UGT1A5: variants seen among roughly 807,000 people sequenced by gnomAD.
The protein encoded by UGT1A5 is UDP-glucuronosyltransferase 1A5.
A neutral mutation model predicts 40.3 loss-of-function variants in UGT1A5; 29 were observed. The observed-to-expected ratio is 0.72, with a 90% CI of 0.54 to 0.98. The LOEUF (loss-of-function observed/expected upper bound fraction) is 0.98, where lower values mean the gene tolerates loss of function less well. UGT1A5 is among the 50% of genes least tolerant of loss of function. The pLI is 0.00. For synonymous variants in UGT1A5, 257 were observed against 262.5 expected (o/e 0.98, Z 0.20); for missense variants, 678 against 677.9 (o/e 1.00, Z 0.00).
intron 1 of UGT1A5, chr2:233,753,481 C>G (rs1199479898): frequency 6.6e-6 from 1 of 152,192 alleles, no homozygotes; most frequent in African/African-American, 2.4e-5. Flanking sequence ...TACCAGCATG[C>G]TGCTCTTAAT....
intron 1 of UGT1A5, chr2:233,754,945 G>A (rs1342760083): frequency 7.5e-7 from 1 of 1,327,414 alleles, no homozygotes; most frequent in Admixed American, 1.9e-5. Flanking sequence ...AAGGAGAATG[G>A]GTCCCGGCCG....
intron 1 of UGT1A5, among the ~76,000 whole-genome samples, chr2:233,759,599 A>ACCCCCCCCCCCCC (rs1553620419): frequency 1.6e-4 from 17 of 108,720 alleles, no homozygotes; most frequent in African/African-American, 3.6e-4. Context: ...CCCACCCCCG[A>ACCCCCCCCCCCCC]CCCGCCCCAC....
intron 1 of UGT1A5, among the ~76,000 whole-genome samples, chr2:233,736,009 A>G (rs1243121159): frequency 6.6e-6 from 1 of 151,786 alleles, no homozygotes; most frequent in Non-Finnish European, 1.5e-5. Context: ...CTTCTCGAGG[A>G]GTATCTTTGT....
At position 233,712,961 on chromosome 2, in the gene UGT1A5, G is replaced by T. The variant is rs2076264324; in HGVS notation, c.-31G>T. The stretch of plus-strand genomic sequence containing the variant: ...AATTCTAGGAGGCACAACGTGGGGT[G>T]GACAGTCAGCTGTCGGTGGCTTCTG... On this transcript the variant is annotated 5_prime_UTR_variant, in exon 1 of 5. Transcript: ENST00000373414. 1 of 1,612,910 alleles carries T rather than the reference G, an allele frequency of 6.2e-7. No individual in the cohort carries two copies. The highest frequency in any genetic ancestry group is 8.5e-7 in the Non-Finnish European group (1 of 1,180,042).
chr2:233,769,433 A>G lies in UGT1A5; in HGVS notation c.1307+994A>G. The G allele has an allele frequency of 6.5e-7, 1 of 1,549,602 alleles. No homozygotes were observed. Among genetic ancestry groups the G allele is most frequent in the Non-Finnish European group, 8.9e-7 (1 of 1,128,216 alleles). ...TGCGTTTGTGCATGTGGCTGTGCTC[A>G]TGTGTGGGTGCACACGTGTGCATTC... is the stretch of plus-strand genomic sequence containing the variant. On this transcript the variant is annotated intron_variant, in intron 4 of 4. Coordinates refer to ENST00000373414, the MANE Select transcript of UGT1A5 (RefSeq NM_019078.2). This position sits in a 1 kb window ranked among gnomAD's most constrained non-coding sequence, Gnocchi z 4.4.
At position 233,765,866 on chromosome 2, in the gene UGT1A5, G is replaced by A. The variant is rs1008092006; in HGVS notation, c.868-1168G>A. On this transcript the variant is annotated intron_variant, in intron 1 of 4. Transcript: ENST00000373414. ...TCCCCCTCACAGAGCATGTGACAGCGGGAGGGGCTCACTTTCTCAGTGCGC... is the reference window on the plus strand; with the variant it reads ...TCCCCCTCACAGAGCATGTGACAGCAGGAGGGGCTCACTTTCTCAGTGCGC... Among the ~76,000 whole-genome samples the A allele has an allele frequency of 3.3e-5, 5 of 152,054 alleles. No homozygotes were observed. The East Asian group carries it at 5.8e-4, about 18-fold the overall frequency.
intron 1 of UGT1A5, among the ~76,000 whole-genome samples, chr2:233,757,587 A>G (rs1696672783): frequency 9.1e-6 from 1 of 109,366 alleles, no homozygotes; most frequent in Middle Eastern, 4.5e-3. Context: ...CTATAGTCTA[A>G]TAGCAAGGAC....
rs950198102 is a variant in UGT1A5 at position 233,769,900 on chromosome 2, C to G, written c.1307+1461C>G. ...TGAAAAGTCCACATAACCTGAGCAT[C>G]ATGTGCCCAGAGCGTTGGGTGGTGT... is the stretch of plus-strand genomic sequence containing the variant. On this transcript the variant is annotated intron_variant, in intron 4 of 4. Transcript: ENST00000373414. The surrounding 1 kb of genome is among the most constrained non-coding windows in gnomAD (Gnocchi z 4.4). 3.8e-5 allele frequency: 13 copies of G among 342,836 alleles called. No individual in the cohort carries two copies. The highest frequency in any genetic ancestry group is 6.8e-5 in the Non-Finnish European group (13 of 189,812). 21.2% of individuals were successfully genotyped at this position (342,836 alleles called of 1,614,324 possible). A position where few individuals can be genotyped will look rare whatever the true frequency, so the allele number is the denominator to read the frequency against.
chr2:233,758,811 C>A (rs371004333), intron 1 of UGT1A5, among the ~76,000 whole-genome samples: 1 of 152,184 alleles, frequency 6.6e-6, no homozygotes, highest in East Asian at 1.9e-4. Flanking sequence ...TATAGTACAG[C>A]AGTATATCCC....
At chr2:233,715,779 TA>T (rs1348568984) in intron 1 of UGT1A5, among the ~76,000 whole-genome samples, 1 of 152,020 alleles carries the variant, frequency 6.6e-6, no homozygotes, top group Non-Finnish European at 1.5e-5. Context: ...CTCAAAAAAA[TA>T]AAAATTTATT....
At chr2:233,761,015 C>A (rs568151745) in intron 1 of UGT1A5, 1 of 1,614,218 alleles carries the variant, frequency 6.2e-7, no homozygotes, top group Admixed American at 1.7e-5. Flanking sequence ...AGAGAGGTGA[C>A]TGTCCAGGAC....
At chr2:233,746,438 T>A (rs1187941624) in intron 1 of UGT1A5, among the ~76,000 whole-genome samples, 3 of 151,694 alleles carry the variant, frequency 2.0e-5, no homozygotes, top group Admixed American at 1.3e-4. Flanking sequence ...TGTCTTCAGC[T>A]TAAAAAGAAA....
At chr2:233,745,739 A>G (rs1329170032) in intron 1 of UGT1A5, among the ~76,000 whole-genome samples, 2 of 141,886 alleles carry the variant, frequency 1.4e-5, no homozygotes, top group African/African-American at 2.7e-5. Flanking sequence ...AGGCAGAGGG[A>G]GGGGGCAAGC....
chr2:233,741,972 T>G (rs888756569), intron 1 of UGT1A5: 7 of 151,906 alleles, frequency 4.6e-5, no homozygotes, highest in African/African-American at 1.7e-4. Context: ...GTGTTTATGG[T>G]GCCTCACCCA....
Position 233,755,903 on chromosome 2 carries a change from T to G in UGT1A5, c.868-11131T>G, listed in dbSNP as rs537567684. ...TTATGTAACTTTTTTTGAGACAAAATGTAGTGAGAAGAGTGGCATCGTTTT... is the reference window on the plus strand; with the variant it reads ...TTATGTAACTTTTTTTGAGACAAAAGGTAGTGAGAAGAGTGGCATCGTTTT... On this transcript the variant is annotated intron_variant, in intron 1 of 4. Transcript: ENST00000373414. 8 of 152,096 alleles carry G rather than the reference T, an allele frequency of 5.3e-5. No individual in the cohort carries two copies. The South Asian group carries it at 1.7e-3, about 32-fold the overall frequency. 9.4% of individuals were successfully genotyped at this position (152,096 alleles called of 1,614,324 possible). A position where few individuals can be genotyped will look rare whatever the true frequency, so the allele number is the denominator to read the frequency against.
intron 1 of UGT1A5, among the ~76,000 whole-genome samples, chr2:233,720,004 A>G (rs1304715933): frequency 2.6e-5 from 4 of 152,144 alleles, no homozygotes; most frequent in African/African-American, 9.7e-5. Flanking sequence ...TACATTCAGA[A>G]CTGATCCATC....
In UGT1A5 at chr2:233,713,179, T is replaced by A; in HGVS notation, c.188T>A (p.Leu63Gln). 1 of 1,614,174 alleles carries A rather than the reference T, an allele frequency of 6.2e-7. No individual in the cohort carries two copies. The highest frequency in any genetic ancestry group is 1.3e-5 in the African/African-American group (1 of 75,050). ...GGCCACCAGGTGGTGGTCCTCACCC[T>A]GGAGGTGAATATGTACATCAAAGAA... ...ARGHQVVVLT[L>Q]EVNMYIKEEN... The change falls in exon 1 of 5, where the codon CTG becomes CAG. Residue 63 changes from leucine (L) to glutamine (Q), a missense_variant. Coordinates refer to ENST00000373414, the MANE Select transcript of UGT1A5 (RefSeq NM_019078.2).
chr2:233,748,214 G>A, intron 1 of UGT1A5: 1 of 1,480,602 alleles, frequency 6.8e-7, no homozygotes, highest in Non-Finnish European at 9.1e-7. Flanking sequence ...AGCCTTCAGT[G>A]AGATAAACTG....
chr2:233,728,352 A>G (rs1195036531), intron 1 of UGT1A5, among the ~76,000 whole-genome samples: 1 of 152,154 alleles, frequency 6.6e-6, no homozygotes, highest in Non-Finnish European at 1.5e-5. Context: ...GGTGAGCAGG[A>G]GCTCCCTGAA....
Sources: allele counts gnomAD v4.1 joint callset (sites outside exome capture counted in the v4.1 genomes callset), GRCh38; gene constraint gnomAD v4.1.1; non-coding constraint Gnocchi (gnomAD v3.1); transcripts MANE v1.5; gene names NCBI Gene and HGNC (gene_info 2026-07-23, HGNC 2026-07-21).